The following SIRT4 variants were observed in gnomAD, a reference collection of about 807,000 sequenced individuals.
SIRT4 encodes NAD-dependent protein lipoamidase sirtuin-4, mitochondrial.
Under a neutral mutation model 26.1 loss-of-function variants are expected in SIRT4, and 23 were observed. That is an observed-to-expected ratio of 0.88 (90% CI 0.63 to 1.25). SIRT4 has a LOEUF of 1.25. Ranked by LOEUF, SIRT4 falls within the 50% of genes most tolerant of loss-of-function variation. SIRT4 has a pLI of 0.00. For missense variants in SIRT4, 361 were observed against 405.4 expected (o/e 0.89, Z 0.94); for synonymous variants, 155 against 158.4 (o/e 0.98, Z 0.16).
the SIRT4 span, chr12:120,293,199 T>TA: frequency 6.6e-6 from 1 of 152,206 alleles, no homozygotes; most frequent in Non-Finnish European, 1.5e-5. Context: ...GCGCCTCGGA[T>TA]AGACCTCATT....
the SIRT4 span, among the ~76,000 whole-genome samples, chr12:120,296,870 C>A: frequency 1.3e-5 from 2 of 151,992 alleles, no homozygotes; most frequent in East Asian, 3.9e-4. Flanking sequence ...AATTTAGATT[C>A]TTTTACTTTG....
the SIRT4 span, chr12:120,293,113 C>T: frequency 2.0e-5 from 3 of 152,114 alleles, no homozygotes; most frequent in African/African-American, 4.8e-5. Flanking sequence ...TAGAGACTGT[C>T]AAAAATTGCC....
rs1288676862 is a variant in SIRT4 at position 120,312,630 on chromosome 12, A to C, written c.672A>C (p.Gly224=). Residue 224 remains glycine (G), a synonymous_variant, in exon 3 of 4, where the codon GGA becomes GGC. Coordinates refer to ENST00000202967, the MANE Select transcript of SIRT4 (RefSeq NM_012240.3). The part of the protein sequence containing the change: ...SFQVPTCVQC[G]GHLKPDVVFF... ...AGGTCCCAACCTGCGTTCAATGTGGAGGCCATCTGAAACCAGATGTCGTTT... is the reference window on the plus strand; with the variant it reads ...AGGTCCCAACCTGCGTTCAATGTGGCGGCCATCTGAAACCAGATGTCGTTT... 1 of 1,614,144 alleles carries C rather than the reference A, an allele frequency of 6.2e-7. No individual in the cohort carries two copies. The highest frequency in any genetic ancestry group is 2.2e-5 in the East Asian group (1 of 44,884).
At chr12:120,303,398 C>T (rs1037543936) in intron 1 of SIRT4, among the ~76,000 whole-genome samples, 163 bp from the exon 2 acceptor site, 1 of 151,738 alleles carries the variant, frequency 6.6e-6, no homozygotes, top group Non-Finnish European at 1.5e-5. Context: ...TCACTTGAAC[C>T]CGGGAGGCGG....
chr12:120,305,533 T>G (rs1441431789), intron 2 of SIRT4, among the ~76,000 whole-genome samples: 1 of 152,162 alleles, frequency 6.6e-6, no homozygotes. Flanking sequence ...AGTGCTGGGA[T>G]GACTAGTGTG....
chr12:120,311,735 C>CAAA (rs10612543), intron 2 of SIRT4, among the ~76,000 whole-genome samples: 3 of 55,076 alleles, frequency 5.4e-5, no homozygotes, highest in Non-Finnish European at 8.9e-5. Flanking sequence ...AACTTGCTCT[C>CAAA]AAAAAAAAAA....
the SIRT4 span, among the ~76,000 whole-genome samples, chr12:120,294,019 T>TTTTTTTTTTTTTA: frequency 1.2e-4 from 17 of 146,976 alleles, no homozygotes; most frequent in South Asian, 8.6e-4. Context: ...TTTTTTTTTT[T>TTTTTTTTTTTTTA]GAGATGGAGT....
chr12:120,309,715 T>C (rs1470178135), intron 2 of SIRT4, among the ~76,000 whole-genome samples: 1 of 112,114 alleles, frequency 8.9e-6, no homozygotes, highest in Admixed American at 1.1e-4. Context: ...GCCCGCTTTC[T>C]TTTTTTTTTT....
At chr12:120,293,069 T>C in the SIRT4 span, 27 of 114,426 alleles carry the variant, frequency 2.4e-4, no homozygotes, top group African/African-American at 7.7e-4. Context: ...AAAAAAAGCC[T>C]CTGTTGTTCA....
At chr12:120,292,524 A>G in the SIRT4 span, among the ~76,000 whole-genome samples, 1 of 152,210 alleles carries the variant, frequency 6.6e-6, no homozygotes, top group Non-Finnish European at 1.5e-5. Flanking sequence ...GAATCGCTTG[A>G]ACCCGGGCGG....
chr12:120,308,165 CTTT>C (rs10707396), intron 2 of SIRT4, among the ~76,000 whole-genome samples: 21 of 84,970 alleles, frequency 2.5e-4, no homozygotes, highest in Middle Eastern at 7.6e-3. Flanking sequence ...CCCAAGAAAG[CTTT>C]TTTTTTTTTT....
chr12:120,301,222 A>G (rs377133726), upstream of SIRT4, among the ~76,000 whole-genome samples: 5 of 152,132 alleles, frequency 3.3e-5, no homozygotes, highest in East Asian at 5.8e-4. Context: ...GCATGCGCCC[A>G]TAATCCCTGC....
chr12:120,304,826 TATATA>T (rs1211282130), intron 2 of SIRT4, among the ~76,000 whole-genome samples: 4 of 34,468 alleles, frequency 1.2e-4, no homozygotes, highest in African/African-American at 2.7e-4. Flanking sequence ...TATATATATA[TATATA>T]TATATTTTTT....
At chr12:120,296,517 T>G in the SIRT4 span, among the ~76,000 whole-genome samples, 412 of 12,846 alleles carry the variant, frequency 0.032, 1 homozygote, top group South Asian at 0.15. Context: ...TTTTTTTTTG[T>G]TTTTTTTTTT....
At chr12:120,301,952 G>A (rs571761804), upstream of SIRT4, among the ~76,000 whole-genome samples, 1 of 150,766 alleles carries the variant, frequency 6.6e-6, no homozygotes, top group South Asian at 2.1e-4. Context: ...GGAGGCTGAG[G>A]CAGGAGAATC....
chr12:120,299,248 C>CAAT (rs1465170127), upstream of SIRT4, among the ~76,000 whole-genome samples: 7 of 92,244 alleles, frequency 7.6e-5, no homozygotes, highest in Middle Eastern at 6.3e-3. Flanking sequence ...TAAATAAATA[C>CAAT]AATAATAATA....
Position 120,303,596 on chromosome 12 carries a change from C to G in SIRT4, c.35C>G (p.Ala12Gly). The change falls in exon 2 of 4, where the codon GCA (alanine) becomes GGA (glycine). Residue 12 changes from alanine (A) to glycine (G), a missense_variant. Coordinates refer to ENST00000202967, the MANE Select transcript of SIRT4 (RefSeq NM_012240.3). The stretch of plus-strand genomic sequence containing the variant: ...AGCTTTGCGTTGACTTTCAGGTCAG[C>G]AAAAGGCCGTTGGATCGCAAACCCC... ...KMSFALTFRS[A>G]KGRWIANPSQ... 1 of 1,613,808 alleles carries G rather than the reference C, an allele frequency of 6.2e-7. No homozygotes were observed. Among genetic ancestry groups the G allele is most frequent in the Non-Finnish European group, 8.5e-7 (1 of 1,179,914 alleles).
At chr12:120,303,183 A>G (rs954315725) in intron 1 of SIRT4, among the ~76,000 whole-genome samples, 2 of 151,832 alleles carry the variant, frequency 1.3e-5, no homozygotes, top group Non-Finnish European at 2.9e-5. Context: ...AATCAAACAA[A>G]ACCTGACTCA....
At chr12:120,304,942 T>G (rs1288353862) in intron 2 of SIRT4, among the ~76,000 whole-genome samples, 1 of 149,630 alleles carries the variant, frequency 6.7e-6, no homozygotes, top group Non-Finnish European at 1.5e-5. Context: ...TTACCTGAGG[T>G]CAGGAGTTCA....
Sources: allele counts gnomAD v4.1 joint callset (sites outside exome capture counted in the v4.1 genomes callset), GRCh38; gene constraint gnomAD v4.1.1; transcripts MANE v1.5; gene names NCBI Gene and HGNC (gene_info 2026-07-23, HGNC 2026-07-21).